The following OR6N1 variants were observed in gnomAD, a reference collection of about 807,000 sequenced individuals.
OR6N1 encodes olfactory receptor family 6 subfamily N member 1.
For missense variants in OR6N1, 394 were observed against 371.7 expected, an observed-to-expected ratio of 1.06 and a Z score of -0.49; for synonymous variants, 170 against 150.7, an observed-to-expected ratio of 1.13 and a Z score of -0.94.
At chr1:158,825,168 A>C in the OR6N1 span, among the ~76,000 whole-genome samples, 9 of 152,164 alleles carry the variant, frequency 5.9e-5, no homozygotes, top group Non-Finnish European at 1.0e-4. Flanking sequence ...GGCCAGGCGC[A>C]GTGGCTCACG....
chr1:158,787,271 G>A, the OR6N1 span, among the ~76,000 whole-genome samples: 1 of 152,098 alleles, frequency 6.6e-6, no homozygotes, highest in Non-Finnish European at 1.5e-5. Flanking sequence ...CTCACCAGAA[G>A]CTGAGCAGAT....
the OR6N1 span, among the ~76,000 whole-genome samples, chr1:158,799,296 C>T: frequency 1.2e-3 from 187 of 152,270 alleles, 1 homozygote; most frequent in African/African-American, 3.9e-3. Flanking sequence ...ATTGGCATTA[C>T]GTTTAGACCT....
chr1:158,786,588 C>A, the OR6N1 span, among the ~76,000 whole-genome samples: 1 of 152,146 alleles, frequency 6.6e-6, no homozygotes, highest in Non-Finnish European at 1.5e-5. Context: ...GATATGGAAC[C>A]AACCTAAGTG....
chr1:158,772,802 C>T (rs1657455630), upstream of OR6N1, among the ~76,000 whole-genome samples: 1 of 152,116 alleles, frequency 6.6e-6, no homozygotes, highest in Non-Finnish European at 1.5e-5. Context: ...CCTCACTGAG[C>T]CATGGTTGGC....
At chr1:158,830,047 C>T in the OR6N1 span, among the ~76,000 whole-genome samples, 23 of 152,154 alleles carry the variant, frequency 1.5e-4, 1 homozygote, top group African/African-American at 2.4e-5. Context: ...TTCCACAACA[C>T]GTGGGAATTA....
At chr1:158,796,247 T>TG in the OR6N1 span, 1 of 152,218 alleles carries the variant, frequency 6.6e-6, no homozygotes, top group South Asian at 2.1e-4. Flanking sequence ...TCCATAATCA[T>TG]GGGCAACCTG....
At chr1:158,783,063 A>G in the OR6N1 span, among the ~76,000 whole-genome samples, 2 of 152,204 alleles carry the variant, frequency 1.3e-5, no homozygotes, top group Non-Finnish European at 2.9e-5. Flanking sequence ...CTGCAAAACA[A>G]TCACAATAAA....
chr1:158,798,270 C>G, the OR6N1 span, among the ~76,000 whole-genome samples: 2 of 151,010 alleles, frequency 1.3e-5, no homozygotes, highest in Admixed American at 1.3e-4. Flanking sequence ...CAGATTTTTT[C>G]TTACACTTTC....
chr1:158,810,588 CA>C, the OR6N1 span, among the ~76,000 whole-genome samples: 2 of 152,142 alleles, frequency 1.3e-5, no homozygotes, highest in Non-Finnish European at 2.9e-5. Context: ...AGTTTAATCC[CA>C]GGGGCATTGC....
At chr1:158,792,890 T>A in the OR6N1 span, among the ~76,000 whole-genome samples, 4 of 152,350 alleles carry the variant, frequency 2.6e-5, no homozygotes, top group South Asian at 8.3e-4. Context: ...CTTTTGCTTT[T>A]TCTTCCACTT....
At chr1:158,820,202 G>T in the OR6N1 span, among the ~76,000 whole-genome samples, 1 of 152,178 alleles carries the variant, frequency 6.6e-6, no homozygotes, top group Non-Finnish European at 1.5e-5. Context: ...TCCCTGGGTG[G>T]AACAGGTGTT....
chr1:158,824,049 T>C, the OR6N1 span, among the ~76,000 whole-genome samples: 2 of 152,110 alleles, frequency 1.3e-5, no homozygotes, highest in African/African-American at 4.8e-5. Context: ...TGATTTTTTT[T>C]TAATTGTGTT....
At chr1:158,816,278 C>T in the OR6N1 span, among the ~76,000 whole-genome samples, 2 of 152,154 alleles carry the variant, frequency 1.3e-5, no homozygotes, top group Non-Finnish European at 2.9e-5. Flanking sequence ...TCATGAGCAC[C>T]TCTTAAGTGT....
At chr1:158,810,599 C>A in the OR6N1 span, among the ~76,000 whole-genome samples, 2 of 152,140 alleles carry the variant, frequency 1.3e-5, no homozygotes, top group African/African-American at 4.8e-5. Context: ...AGGGGCATTG[C>A]CTCCTCTGGG....
At chr1:158,821,661 A>G in the OR6N1 span, among the ~76,000 whole-genome samples, 1 of 152,144 alleles carries the variant, frequency 6.6e-6, no homozygotes, top group African/African-American at 2.4e-5. Flanking sequence ...TGGATATACC[A>G]CAGTTTATTG....
At chr1:158,831,815 T>C in the OR6N1 span, among the ~76,000 whole-genome samples, 1 of 152,170 alleles carries the variant, frequency 6.6e-6, no homozygotes, top group South Asian at 2.1e-4. Context: ...TTGGCATAAA[T>C]TGATATTTAG....
At chr1:158,777,745 G>A in the OR6N1 span, 34 of 669,310 alleles carry the variant, frequency 5.1e-5, no homozygotes, top group Non-Finnish European at 8.5e-5. Context: ...AAGTAGCACT[G>A]AAATTACTAC....
chr1:158,833,935 C>A, the OR6N1 span, among the ~76,000 whole-genome samples: 2 of 152,160 alleles, frequency 1.3e-5, no homozygotes, highest in Admixed American at 6.5e-5. Flanking sequence ...ATATTTTTTT[C>A]ATAGCATCTG....
the OR6N1 span, among the ~76,000 whole-genome samples, chr1:158,806,072 T>C: frequency 6.6e-6 from 1 of 152,176 alleles, no homozygotes; most frequent in Non-Finnish European, 1.5e-5. Context: ...CATCTTCTAG[T>C]GCTGCCACCA....
Sources: gnomAD v4.1 joint callset for allele counts (sites outside exome capture counted in the v4.1 genomes callset) on GRCh38, gnomAD v4.1.1 for gene constraint, MANE v1.5 for transcripts, NCBI Gene and HGNC (gene_info 2026-07-23, HGNC 2026-07-21) for gene names.